Variants in HLCS observed in about 807,000 individuals in gnomAD.
HLCS encodes the protein holocarboxylase synthetase.
A neutral mutation model predicts 75.0 loss-of-function variants in HLCS; 53 were observed. The ratio of observed to expected loss-of-function variants is 0.71; its 90% CI spans 0.57 to 0.89. HLCS has a LOEUF of 0.89. HLCS is among the 40% of genes least tolerant of loss of function. The probability of loss-of-function intolerance (pLI) is 0.00; values close to 1 mark genes in which losing one functional copy is unlikely to be tolerated. For missense variants in HLCS, 966 were observed against 1,074.0 expected (o/e 0.90, Z 1.41); for synonymous variants, 431 against 428.6 (o/e 1.01, Z -0.07).
intron 6 of HLCS, among the ~76,000 whole-genome samples, chr21:36,846,509 G>A (rs1469981124): frequency 6.6e-6 from 1 of 151,988 alleles, no homozygotes; most frequent in African/African-American, 2.4e-5. Flanking sequence ...TCCAGTTTTT[G>A]TGCTGTTGTT....
chr21:36,816,317 G>A (rs1234303951), intron 6 of HLCS, among the ~76,000 whole-genome samples: 2 of 151,840 alleles, frequency 1.3e-5, no homozygotes, highest in Non-Finnish European at 2.9e-5. Context: ...GATCACTTGA[G>A]CCTGGGAGGT....
chr21:36,990,090 C>A, intron 1 of HLCS: 1 of 152,730 alleles, frequency 6.5e-6, no homozygotes, highest in South Asian at 2.0e-4. Context: ...CTGCCTGACC[C>A]TCGCCCGGCC....
chr21:36,749,619 A>G lies in HLCS; in HGVS notation c.*4627T>C, dbSNP rs1275769507. ...TAGGAAGGGATGTGCCCGCCTCTCC[A>G]CGCACTCAGCTATACCTCATTCACA... On this transcript the variant is annotated 3_prime_UTR_variant, in exon 11 of 11. Coordinates refer to ENST00000674895, the MANE Select transcript of HLCS (RefSeq NM_001352514.2). 6.6e-6 allele frequency: 1 copy of G among 152,180 alleles called. No homozygotes were observed. The highest frequency in any genetic ancestry group is 1.5e-5 in the Non-Finnish European group (1 of 68,040). The allele number at this position is 152,180 out of a possible 1,614,324, so 9.4% of individuals were successfully genotyped here.
chr21:36,933,880 G>C (rs774379768), intron 4 of HLCS, among the ~76,000 whole-genome samples: 4 of 152,322 alleles, frequency 2.6e-5, no homozygotes, highest in Admixed American at 6.5e-5. Context: ...TTTCACATGA[G>C]AACGATGCCA....
At chr21:36,948,291 GAAAAAAAA>G (rs35458660) in intron 2 of HLCS, 1 of 102,262 alleles carries the variant, frequency 9.8e-6, no homozygotes, top group Non-Finnish European at 2.0e-5. Flanking sequence ...ACTCCGTCTA[GAAAAAAAA>G]AAAAAAAAAA....
chr21:36,792,674 C>T (rs565515082), intron 6 of HLCS, among the ~76,000 whole-genome samples: 12 of 152,280 alleles, frequency 7.9e-5, no homozygotes, highest in African/African-American at 2.6e-4. Flanking sequence ...TCCAGGGTCA[C>T]ATGGCTGTCA....
chr21:36,866,939 G>T (rs548127991), intron 6 of HLCS, among the ~76,000 whole-genome samples: 2 of 151,922 alleles, frequency 1.3e-5, no homozygotes, highest in South Asian at 4.2e-4. Context: ...CCCTTTTGGG[G>T]GATGATGGAA....
rs2089395830 is a variant in HLCS at position 36,752,221 on chromosome 21, A to G, written c.*2025T>C. Reference sequence around the variant, plus strand: ...CGTGAGGGAGGAGCGCCTGCTGGAAAGCACAGAGCACAGCAGTATGCCCGG... The same window carrying G: ...CGTGAGGGAGGAGCGCCTGCTGGAAGGCACAGAGCACAGCAGTATGCCCGG... On this transcript the variant is annotated 3_prime_UTR_variant, in exon 11 of 11. Transcript: ENST00000674895. 1 of 152,672 alleles carries G rather than the reference A, an allele frequency of 6.5e-6. No individual in the cohort carries two copies. Among genetic ancestry groups the G allele is most frequent in the Non-Finnish European group, 1.5e-5 (1 of 68,052 alleles). The allele number at this position is 152,672 out of a possible 1,614,324, so 9.5% of individuals were successfully genotyped here.
rs773664058 is a variant in HLCS at position 36,936,905 on chromosome 21, G to A, written c.981C>T (p.His327=). 1.7e-5 allele frequency: 28 copies of A among 1,614,170 alleles called. No homozygotes were observed. Among genetic ancestry groups the A allele is most frequent in the Non-Finnish European group, 2.2e-5 (26 of 1,180,042 alleles). ...SDSQEALGRF[H]EVRSVLADCV... is the part of the protein sequence containing the mutation. The stretch of plus-strand genomic sequence containing the variant: ...AGTCGGCCAGCACAGACCGGACCTC[G>A]TGGAACCGGCCGAGGGCTTCCTGGG... The change falls in exon 4 of 11, where the codon CAC becomes CAT. Residue 327 remains histidine, a synonymous_variant. Transcript: ENST00000674895.
At chr21:36,812,220 A>G (rs752424137) in intron 6 of HLCS, among the ~76,000 whole-genome samples, 1 of 152,204 alleles carries the variant, frequency 6.6e-6, no homozygotes, top group Non-Finnish European at 1.5e-5. Flanking sequence ...CTCTGTATCA[A>G]ATCTTCTCTC....
At chr21:36,797,977 G>T (rs982254302) in intron 6 of HLCS, among the ~76,000 whole-genome samples, 11 of 152,304 alleles carry the variant, frequency 7.2e-5, no homozygotes, top group Middle Eastern at 3.4e-3. Context: ...TTGGGTTGTG[G>T]GGTTAGAGAA....
At chr21:36,841,693 G>T (rs2062622327) in intron 6 of HLCS, among the ~76,000 whole-genome samples, 1 of 152,216 alleles carries the variant, frequency 6.6e-6, no homozygotes, top group Non-Finnish European at 1.5e-5. Flanking sequence ...CGATTCTTGT[G>T]AACTAATCTT....
At chr21:36,829,456 T>C (rs2062121045) in intron 6 of HLCS, among the ~76,000 whole-genome samples, 1 of 152,230 alleles carries the variant, frequency 6.6e-6, no homozygotes, top group African/African-American at 2.4e-5. Context: ...ATTTACAGTA[T>C]TAACTATACA....
At chr21:36,818,665 C>T (rs2145990526) in intron 6 of HLCS, among the ~76,000 whole-genome samples, 1 of 152,314 alleles carries the variant, frequency 6.6e-6, no homozygotes, top group African/African-American at 2.4e-5. Flanking sequence ...TGTCATTAAA[C>T]CCACTTTTAA....
chr21:36,929,451 G>C (rs2066540123), intron 5 of HLCS, among the ~76,000 whole-genome samples: 1 of 152,240 alleles, frequency 6.6e-6, no homozygotes, highest in African/African-American at 2.4e-5. Flanking sequence ...AAGGGACACA[G>C]TGTAACACAA....
At chr21:36,935,080 AT>A (rs1021172721) in intron 4 of HLCS, among the ~76,000 whole-genome samples, 7 of 152,202 alleles carry the variant, frequency 4.6e-5, no homozygotes, top group Admixed American at 3.9e-4. Flanking sequence ...TGCCAAATCA[AT>A]TTTCTAGTAC....
chr21:36,846,906 T>C (rs1268259654), intron 6 of HLCS, among the ~76,000 whole-genome samples: 1 of 152,160 alleles, frequency 6.6e-6, no homozygotes, highest in South Asian at 2.1e-4. Context: ...TTTAGAGCCA[T>C]CCGCTCATCC....
intron 6 of HLCS, among the ~76,000 whole-genome samples, chr21:36,768,265 C>T (rs184385959): frequency 2.2e-4 from 33 of 152,172 alleles, no homozygotes; most frequent in Middle Eastern, 3.4e-3. Context: ...GACAGGGATG[C>T]GGAAGGGATG....
At chr21:36,933,646 G>T (rs2066749538) in intron 4 of HLCS, among the ~76,000 whole-genome samples, 1 of 102,980 alleles carries the variant, frequency 9.7e-6, no homozygotes, top group Non-Finnish European at 2.2e-5. Context: ...AGCCATGCCA[G>T]TATAGACAAA....
Sources: allele counts gnomAD v4.1 joint callset (sites outside exome capture counted in the v4.1 genomes callset), GRCh38; gene constraint gnomAD v4.1.1; transcripts MANE v1.5; gene names NCBI Gene and HGNC (gene_info 2026-07-23, HGNC 2026-07-21).